Variants in CAD observed in about 807,000 individuals in gnomAD.
CAD encodes carbamoyl-phosphate synthetase 2, aspartate transcarbamylase, and dihydroorotase.
Under a neutral mutation model 237.2 loss-of-function variants are expected in CAD, and 81 were observed. The ratio of observed to expected loss-of-function variants is 0.34; its 90% CI spans 0.29 to 0.41. CAD has a LOEUF of 0.41. Ranked by LOEUF, CAD falls within the 10% of genes least tolerant of loss-of-function variation. The probability of loss-of-function intolerance (pLI) is 1.00; values close to 1 mark genes in which losing one functional copy is unlikely to be tolerated. For synonymous variants in CAD, 1,196 were observed against 1,162.8 expected (o/e 1.03, Z -0.58); for missense variants, 2,181 against 2,951.7 (o/e 0.74, Z 6.05).
rs768447455 is a variant in CAD, at chr2:27,238,530, G to A, written c.4960G>A (p.Gly1654Arg). The part of the protein sequence containing the change: ...FLSHDDLERL[G>R]PGKGEVRPEL... Reference sequence around the variant, plus strand: ...AAGCCATGATGACCTGGAGCGCCTGGGGCCTGGGAAGGGGGAGGTCCGGCC... The same window carrying A: ...AAGCCATGATGACCTGGAGCGCCTGAGGCCTGGGAAGGGGGAGGTCCGGCC... The change falls in exon 31 of 44, where the codon GGG (glycine) becomes AGG (arginine). Residue 1654 changes from glycine to arginine, a missense_variant. By Grantham distance (125) the Gly-to-Arg change is moderately radical. Transcript: ENST00000264705. The A allele has an allele frequency of 6.2e-6, 10 of 1,614,048 alleles. No individual in the cohort carries two copies. Among genetic ancestry groups the A allele is most frequent in the Non-Finnish European group, 8.5e-6 (10 of 1,179,978 alleles).
chr2:27,241,147 C>G lies in CAD; in HGVS notation c.5728C>G (p.Leu1910Val). The part of the protein sequence containing the change: ...SPQNLGTPGL[L>V]HPQTSPLLHS... ...CCAGAACCTGGGGACCCCTGGCTTGCTGCACCCCCAGACCTCACCCCTGCT... is the reference window on the plus strand; with the variant it reads ...CCAGAACCTGGGGACCCCTGGCTTGGTGCACCCCCAGACCTCACCCCTGCT... Residue 1910 changes from leucine (L) to valine (V), a missense_variant, in exon 37 of 44, where the codon CTG becomes GTG. By Grantham distance (32) the Leu-to-Val change is conservative. This residue lies in a region of CAD where 203 missense variants were observed against 284.5 expected (regional missense o/e 0.71). Transcript: ENST00000264705. The surrounding 1 kb of genome is among the most constrained non-coding windows in gnomAD (Gnocchi z 4.6). 6.2e-7 allele frequency: 1 copy of G among 1,612,638 alleles called. No homozygotes were observed. Among genetic ancestry groups the G allele is most frequent in the Non-Finnish European group, 8.5e-7 (1 of 1,179,370 alleles).
intron 3 of CAD, among the ~76,000 whole-genome samples, chr2:27,221,707 A>G (rs1439922035): frequency 2.0e-5 from 3 of 151,246 alleles, no homozygotes; most frequent in African/African-American, 7.3e-5. Flanking sequence ...TAAAAAAATT[A>G]ATAATTCCCT....
At chr2:27,219,846 C>T (rs1432423543) in intron 2 of CAD, among the ~76,000 whole-genome samples, 3 of 152,202 alleles carry the variant, frequency 2.0e-5, no homozygotes, top group Non-Finnish European at 2.9e-5. Flanking sequence ...ACCTCGGCCT[C>T]CCAAAGCGCT....
In CAD at chr2:27,239,533, C is replaced by A; in HGVS notation, c.5394+62C>A. 1 of 1,585,100 alleles carries A rather than the reference C, an allele frequency of 6.3e-7. No homozygotes were observed. Among genetic ancestry groups the A allele is most frequent in the Admixed American group, 1.7e-5 (1 of 59,300 alleles). ...CTCTTCTGCACCACGTTCATTTCTT[C>A]CCTTCCCAGCACATCTACACTGTCC... On this transcript the variant is annotated intron_variant, in intron 33 of 43. Transcript: ENST00000264705. This position sits in a 1 kb window ranked among gnomAD's most constrained non-coding sequence, Gnocchi z 4.0.
chr2:27,222,736 A>G, intron 5 of CAD, 76 bp downstream of exon 5: 1 of 1,587,188 alleles, frequency 6.3e-7, no homozygotes, highest in Non-Finnish European at 8.6e-7. Flanking sequence ...CCAATTGCTA[A>G]AAGTCAGTAG....
rs1558543737 is a variant in CAD at position 27,239,596 on chromosome 2, G to A, written c.5395-101G>A. 2 of 1,495,164 alleles carry A rather than the reference G, an allele frequency of 1.3e-6. No individual in the cohort carries two copies. Among genetic ancestry groups the A allele is most frequent in the Non-Finnish European group, 1.8e-6 (2 of 1,089,190 alleles). 92.6% of individuals were successfully genotyped at this position (1,495,164 alleles called of 1,614,324 possible). A position where few individuals can be genotyped will look rare whatever the true frequency, so the allele number is the denominator to read the frequency against. Reference sequence around the variant, plus strand: ...CACTGCCCTGGACCAGGGGTTGGGGGCACAGCTCCCCCAAGGTGCTTTTTG... The same window carrying A: ...CACTGCCCTGGACCAGGGGTTGGGGACACAGCTCCCCCAAGGTGCTTTTTG... On this transcript the variant is annotated intron_variant, in intron 33 of 43. Coordinates refer to ENST00000264705, the MANE Select transcript of CAD (RefSeq NM_004341.5). This position sits in a 1 kb window ranked among gnomAD's most constrained non-coding sequence, Gnocchi z 4.0.
At position 27,234,055 on chromosome 2, in the gene CAD, C is replaced by T. The variant is rs1313186333; in HGVS notation, c.3447C>T (p.Ile1149=). The T allele has an allele frequency of 3.1e-6, 5 of 1,614,090 alleles. No homozygotes were observed. The highest frequency in any genetic ancestry group is 1.7e-5 in the Admixed American group (1 of 60,012). The change falls in exon 22 of 44, where the codon ATC becomes ATT. Residue 1149 remains isoleucine, a synonymous_variant. Coordinates refer to ENST00000264705, the MANE Select transcript of CAD (RefSeq NM_004341.5). ...CCTCTGATGGTGTGGTGGCAGCCAT[C>T]GCCATCTCTGAGCATGTGGAGAATG... ...AVASDGVVAA[I]AISEHVENAG... is the part of the protein sequence containing the mutation.
intron 13 of CAD, 42 bp downstream of exon 13, chr2:27,226,361 C>A: frequency 6.3e-7 from 1 of 1,591,704 alleles, no homozygotes; most frequent in South Asian, 1.1e-5. Context: ...GTTGTTACCC[C>A]CTCTTCTTGT....
At position 27,239,786 on chromosome 2, in the gene CAD, T is replaced by G. The variant is rs781635063; in HGVS notation, c.5484T>G (p.Ser1828Arg). 36 of 1,560,400 alleles carry G rather than the reference T, an allele frequency of 2.3e-5. No homozygotes were observed. The highest frequency in any genetic ancestry group is 1.7e-6 in the Non-Finnish European group (2 of 1,153,382). Reference protein sequence around the residue: ...PQLPPSAPATSEMTTTPERPR... With the variant: ...PQLPPSAPATREMTTTPERPR... ...TCCCACCCTCAGCCCCTGCCACTAG[T>G]GAGATGACCACGGTATCCACACTAC... The change falls in exon 34 of 44, where the codon AGT becomes AGG. Residue 1828 changes from serine (S) to arginine (R), a missense_variant. Physicochemically the swap from Ser to Arg is moderately radical, Grantham distance 110 (BLOSUM62 -1). This residue lies in a region of CAD where 478 missense variants were observed against 515.0 expected (regional missense o/e 0.93). Transcript: ENST00000264705. The surrounding 1 kb of genome is among the most constrained non-coding windows in gnomAD (Gnocchi z 4.0).
Position 27,238,099 on chromosome 2 carries a change from C to G in CAD, c.4772C>G (p.Ala1591Gly). 6.2e-7 allele frequency: 1 copy of G among 1,614,224 alleles called. No homozygotes were observed. Among genetic ancestry groups the G allele is most frequent in the Non-Finnish European group, 8.5e-7 (1 of 1,180,044 alleles). ...TCCCACCTCCCCATTGTGGCTCACG[C>G]AGAGCAGCAAACCGTGGCTGCTGTC... ...WPSHLPIVAH[A>G]EQQTVAAVLM... Residue 1591 changes from alanine to glycine, a missense_variant, in exon 30 of 44, where the codon GCA becomes GGA. Coordinates refer to ENST00000264705, the MANE Select transcript of CAD (RefSeq NM_004341.5).
Position 27,237,506 on chromosome 2 carries a change from C to G in CAD, c.4524C>G (p.Pro1508=). The G allele has an allele frequency of 6.2e-7, 1 of 1,614,076 alleles. No homozygotes were observed. ...TMVCAMPNTR[P]PIIDAPALAL... ...TGTGTGCCATGCCTAATACCCGGCCCCCCATCATTGACGCCCCTGCTCTGG... is the reference window on the plus strand; with the variant it reads ...TGTGTGCCATGCCTAATACCCGGCCGCCCATCATTGACGCCCCTGCTCTGG... The change falls in exon 28 of 44, where the codon CCC becomes CCG. Residue 1508 remains proline (P), a synonymous_variant. Coordinates refer to ENST00000264705, the MANE Select transcript of CAD (RefSeq NM_004341.5). The surrounding 1 kb of genome is among the most constrained non-coding windows in gnomAD (Gnocchi z 4.0).
intron 22 of CAD, 83 bp downstream of exon 22, chr2:27,234,309 G>C: frequency 7.4e-7 from 1 of 1,350,132 alleles, no homozygotes; most frequent in South Asian, 1.2e-5. Flanking sequence ...GCCCTGCACT[G>C]TCTCCTGCCT....
rs778875084 is a variant in CAD, at chr2:27,226,484, A to G, written c.2032-41A>G. On this transcript the variant is annotated intron_variant, in intron 13 of 43. Coordinates refer to ENST00000264705, the MANE Select transcript of CAD (RefSeq NM_004341.5). ...CTCCTTTCTGAGACCTCTCCTAGAC[A>G]GGGTCTTCTAGGCCAGTGACTTTAT... 1.9e-6 allele frequency: 3 copies of G among 1,605,864 alleles called. No homozygotes were observed. The East Asian group carries it at 6.7e-5, about 36-fold the overall frequency.
At chr2:27,229,883 A>AG (rs1675643719) in intron 15 of CAD, among the ~76,000 whole-genome samples, 1 of 151,918 alleles carries the variant, frequency 6.6e-6, no homozygotes, top group Non-Finnish European at 1.5e-5. Context: ...TCAGAAAAAA[A>AG]AAAAAAAAAA....
chr2:27,224,985 C>T, intron 10 of CAD, 25 bp from the exon 11 acceptor site: 9 of 1,606,536 alleles, frequency 5.6e-6, no homozygotes, highest in Non-Finnish European at 7.7e-6. Context: ...GTTCTGATGC[C>T]TGTAACTCCC....
intron 5 of CAD, 56 bp downstream of exon 5, chr2:27,222,716 A>C (rs879777389): frequency 3.8e-6 from 6 of 1,598,754 alleles, no homozygotes; most frequent in Non-Finnish European, 5.1e-6. Context: ...TGGAAGATCT[A>C]TCCCTTGGTC....
At chr2:27,223,090 G>C in intron 6 of CAD, 53 bp downstream of exon 6, 6 of 1,570,878 alleles carry the variant, frequency 3.8e-6, no homozygotes, top group Middle Eastern at 1.7e-4. Flanking sequence ...GAGGGGTGGG[G>C]TGTCTCAGGA....
At chr2:27,230,637 A>G (rs1375931168) in intron 15 of CAD, among the ~76,000 whole-genome samples, 1 of 152,088 alleles carries the variant, frequency 6.6e-6, no homozygotes, top group African/African-American at 2.4e-5. Context: ...AAAAAAAAAA[A>G]CCTATGAACC....
chr2:27,231,483 T>G lies in CAD; in HGVS notation c.2303T>G (p.Ile768Ser). The G allele has an allele frequency of 6.2e-7, 1 of 1,607,746 alleles. No individual in the cohort carries two copies. The highest frequency in any genetic ancestry group is 8.5e-7 in the Non-Finnish European group (1 of 1,174,192). Residue 768 changes from isoleucine (I) to serine (S), a missense_variant, in exon 16 of 44, where the codon ATT becomes AGT. This residue lies in a region of CAD where 385 missense variants were observed against 535.1 expected (regional missense o/e 0.72). Coordinates refer to ENST00000264705, the MANE Select transcript of CAD (RefSeq NM_004341.5). ...GTTCTTCCAGGTGAAGTCATGGGCA[T>G]TGGGCGTTCATTTGAGGAGGCCTTC... is the stretch of plus-strand genomic sequence containing the variant. The part of the protein sequence containing the change: ...CMKSVGEVMG[I>S]GRSFEEAFQK...
Sources: allele counts gnomAD v4.1 joint callset (sites outside exome capture counted in the v4.1 genomes callset), GRCh38; gene constraint gnomAD v4.1.1; regional missense constraint gnomAD v4.1.1; non-coding constraint Gnocchi (gnomAD v3.1); transcripts MANE v1.5; gene names NCBI Gene and HGNC (gene_info 2026-07-23, HGNC 2026-07-21).